Variants in C7orf78 observed in about 807,000 individuals in gnomAD.
C7orf78 encodes the protein chromosome 7 open reading frame 78, also known as putative uncharacterized protein C7orf78.
the C7orf78 span, among the ~76,000 whole-genome samples, chr7:12,502,966 A>G: frequency 2.0e-5 from 3 of 151,322 alleles, no homozygotes; most frequent in Non-Finnish European, 2.9e-5. Context: ...CATCATTCTC[A>G]CTAAACTATC....
chr7:12,541,655 A>G, the C7orf78 span: 3 of 138,788 alleles, frequency 2.2e-5, no homozygotes, highest in Admixed American at 7.1e-5. Context: ...TTTATTTCTG[A>G]AAAAAAAAAG....
chr7:12,486,501 T>C, the C7orf78 span, among the ~76,000 whole-genome samples: 1 of 152,044 alleles, frequency 6.6e-6, no homozygotes, highest in East Asian at 1.9e-4. Context: ...CATCAGTTTA[T>C]GAATAATCTC....
the C7orf78 span, chr7:12,496,320 C>G: frequency 6.6e-6 from 1 of 152,182 alleles, no homozygotes; most frequent in African/African-American, 2.4e-5. Flanking sequence ...TTGGATGGTT[C>G]TACATATAAT....
the C7orf78 span, among the ~76,000 whole-genome samples, chr7:12,536,733 C>T: frequency 1.3e-5 from 2 of 152,160 alleles, no homozygotes; most frequent in Non-Finnish European, 2.9e-5. Context: ...AAATGCTTGG[C>T]TGCTTAGAAA....
the C7orf78 span, among the ~76,000 whole-genome samples, chr7:12,496,861 T>C: frequency 6.6e-6 from 1 of 152,162 alleles, no homozygotes; most frequent in African/African-American, 2.4e-5. Context: ...TATAAGAGAT[T>C]TAGTCAATTC....
the C7orf78 span, among the ~76,000 whole-genome samples, chr7:12,539,271 T>C: frequency 3.5e-4 from 53 of 152,102 alleles, no homozygotes; most frequent in Admixed American, 1.8e-3. Flanking sequence ...AAGACCATCC[T>C]GGCTAACACA....
chr7:12,520,962 T>C, the C7orf78 span, among the ~76,000 whole-genome samples: 2 of 152,216 alleles, frequency 1.3e-5, no homozygotes, highest in Non-Finnish European at 2.9e-5. Flanking sequence ...TTAATCATTA[T>C]GTAATGGCCT....
At chr7:12,503,450 C>A in the C7orf78 span, among the ~76,000 whole-genome samples, 1 of 151,672 alleles carries the variant, frequency 6.6e-6, no homozygotes, top group African/African-American at 2.4e-5. Context: ...TATTATGATG[C>A]TTCAAAACAA....
chr7:12,507,066 C>T, the C7orf78 span: 22 of 366,636 alleles, frequency 6.0e-5, no homozygotes, highest in African/African-American at 1.1e-4. Context: ...TTTGGGAGGC[C>T]GAGACGGGCG....
the C7orf78 span, among the ~76,000 whole-genome samples, chr7:12,520,875 T>C: frequency 1.3e-5 from 2 of 152,214 alleles, no homozygotes; most frequent in South Asian, 4.1e-4. Context: ...TTAGATCAAA[T>C]AATATTTGTT....
chr7:12,527,153 G>C, the C7orf78 span, among the ~76,000 whole-genome samples: 1 of 148,044 alleles, frequency 6.8e-6, no homozygotes, highest in African/African-American at 2.6e-5. Context: ...CCACCTAGCT[G>C]TGTAATTGAA....
the C7orf78 span, among the ~76,000 whole-genome samples, chr7:12,488,922 T>TG: frequency 2.5e-4 from 36 of 142,278 alleles, no homozygotes; most frequent in African/African-American, 6.7e-4. Context: ...GGTTTTTTTT[T>TG]TTTTGGTTTT....
At chr7:12,523,864 A>G in the C7orf78 span, among the ~76,000 whole-genome samples, 2 of 152,212 alleles carry the variant, frequency 1.3e-5, no homozygotes, top group African/African-American at 4.8e-5. Flanking sequence ...ATGATTAATA[A>G]TTTAAATAAT....
At chr7:12,530,049 C>G in the C7orf78 span, among the ~76,000 whole-genome samples, 1 of 136,474 alleles carries the variant, frequency 7.3e-6, no homozygotes, top group African/African-American at 2.8e-5. Flanking sequence ...CTTTCAATGC[C>G]TCTTCCCTAT....
At chr7:12,532,699 GCTAT>G in the C7orf78 span, among the ~76,000 whole-genome samples, 3 of 152,132 alleles carry the variant, frequency 2.0e-5, no homozygotes, top group Non-Finnish European at 4.4e-5. Context: ...CTTAGTACTT[GCTAT>G]CTAAGTATTT....
chr7:12,511,957 A>T, the C7orf78 span, among the ~76,000 whole-genome samples: 21,726 of 103,268 alleles, frequency 0.21, 2,265 homozygotes, highest in African/African-American at 0.37. Context: ...TTGTATTTTC[A>T]GTAGAGACGG....
At chr7:12,528,905 A>C in the C7orf78 span, 2 of 398,426 alleles carry the variant, frequency 5.0e-6, no homozygotes, top group Admixed American at 4.4e-5. Flanking sequence ...TCTCTAGTAC[A>C]TGGGTACCAG....
At chr7:12,486,104 A>C in the C7orf78 span, among the ~76,000 whole-genome samples, 1 of 152,114 alleles carries the variant, frequency 6.6e-6, no homozygotes, top group African/African-American at 2.4e-5. Context: ...CTAGAAGGAA[A>C]TGTAACCCCA....
chr7:12,525,044 C>T, the C7orf78 span, among the ~76,000 whole-genome samples: 72 of 152,022 alleles, frequency 4.7e-4, no homozygotes, highest in African/African-American at 1.6e-3. Flanking sequence ...CGAACTTGGT[C>T]TCATGTTGTA....
Sources: allele counts gnomAD v4.1 joint callset (sites outside exome capture counted in the v4.1 genomes callset), GRCh38; gene constraint gnomAD v4.1.1; transcripts MANE v1.5; gene names NCBI Gene and HGNC (gene_info 2026-07-23, HGNC 2026-07-21).